Variants in FTO observed in about 807,000 individuals in gnomAD.
FTO encodes alpha-ketoglutarate-dependent dioxygenase FTO.
FTO carries 47 observed loss-of-function variants against 63.9 expected under a neutral mutation model. That is an observed-to-expected ratio of 0.74 (90% CI 0.58 to 0.94). FTO has a LOEUF of 0.94. Ranked by LOEUF, FTO falls within the 40% of genes least tolerant of loss-of-function variation. FTO has a pLI of 0.00. For missense variants in FTO, 562 were observed against 618.1 expected, an observed-to-expected ratio of 0.91 and a Z score of 0.96; for synonymous variants, 207 against 224.4, an observed-to-expected ratio of 0.92 and a Z score of 0.69.
intron 1 of FTO, among the ~76,000 whole-genome samples, chr16:53,733,515 C>A (rs916187176): frequency 4.6e-5 from 7 of 152,286 alleles, no homozygotes; most frequent in Middle Eastern, 6.8e-3. Context: ...CGTAATTACC[C>A]ACTCCTCAAT....
intron 8 of FTO, chr16:54,071,487 T>A: frequency 6.6e-6 from 1 of 152,434 alleles, no homozygotes. Flanking sequence ...GGAGGGTGTC[T>A]TGGCTTCCTT....
intron 4 of FTO, among the ~76,000 whole-genome samples, chr16:53,860,857 A>G (rs959059290): frequency 4.0e-5 from 6 of 149,988 alleles, no homozygotes; most frequent in Admixed American, 1.3e-4. Context: ...AAATTAGCTA[A>G]GAGAGTAGAT....
intron 8 of FTO, among the ~76,000 whole-genome samples, chr16:54,051,890 T>C (rs1490161554): frequency 6.6e-6 from 1 of 151,884 alleles, no homozygotes; most frequent in Non-Finnish European, 1.5e-5. Flanking sequence ...TCTAAGAGAG[T>C]TTCACATTAT....
chr16:53,959,176 C>T (rs567237963), intron 8 of FTO, among the ~76,000 whole-genome samples: 2 of 152,278 alleles, frequency 1.3e-5, no homozygotes, highest in South Asian at 2.1e-4. Flanking sequence ...GTCAAGTAAC[C>T]TTCCCAGGGG....
chr16:53,778,203 C>A (rs1195075686), intron 1 of FTO, among the ~76,000 whole-genome samples: 1 of 152,040 alleles, frequency 6.6e-6, no homozygotes, highest in Non-Finnish European at 1.5e-5. Context: ...ATTAAAACAG[C>A]CTGCTCACTA....
At chr16:53,809,765 G>A (rs2078471604) in intron 1 of FTO, among the ~76,000 whole-genome samples, 1 of 151,940 alleles carries the variant, frequency 6.6e-6, no homozygotes, top group African/African-American at 2.4e-5. Context: ...AACATAGCGA[G>A]ACCTTGTCCC....
intron 1 of FTO, among the ~76,000 whole-genome samples, chr16:53,737,165 T>C (rs2076408378): frequency 6.6e-6 from 1 of 152,196 alleles, no homozygotes; most frequent in Admixed American, 6.5e-5. Context: ...AAGGGTTGAT[T>C]GATGTCCTGA....
intron 8 of FTO, among the ~76,000 whole-genome samples, chr16:54,027,865 G>GT (rs1349525002): frequency 1.3e-5 from 2 of 152,070 alleles, no homozygotes; most frequent in African/African-American, 4.8e-5. Context: ...AGTCCCTCTT[G>GT]TTTTTTTGTA....
chr16:53,809,122 G>A (rs1335118212), intron 1 of FTO, among the ~76,000 whole-genome samples: 7 of 152,148 alleles, frequency 4.6e-5, no homozygotes, highest in Non-Finnish European at 5.9e-5. Flanking sequence ...ATATGAGATC[G>A]TCTTTCAGTT....
chr16:53,988,632 C>T (rs778225629), intron 8 of FTO, among the ~76,000 whole-genome samples: 5 of 152,134 alleles, frequency 3.3e-5, no homozygotes, highest in African/African-American at 4.8e-5. Context: ...CTCATCTGAT[C>T]CTTAAGGCAG....
intron 7 of FTO, among the ~76,000 whole-genome samples, chr16:53,932,005 C>T (rs1012523751): frequency 1.2e-4 from 19 of 152,050 alleles, no homozygotes; most frequent in African/African-American, 3.9e-4. Flanking sequence ...CTGAATAGTG[C>T]GTGCCTTTTT....
intron 8 of FTO, among the ~76,000 whole-genome samples, chr16:54,097,426 G>A (rs796182630): frequency 1.8e-4 from 27 of 151,936 alleles, no homozygotes; most frequent in African/African-American, 6.5e-4. Flanking sequence ...CTGCAACCTC[G>A]ACCTTCTGGG....
chr16:53,941,375 A>G lies in FTO; in HGVS notation c.1364+7266A>G, dbSNP rs1014368361. On this transcript the variant is annotated intron_variant, in intron 8 of 8. Coordinates refer to ENST00000471389, the MANE Select transcript of FTO (RefSeq NM_001080432.3). The stretch of plus-strand genomic sequence containing the variant: ...TTTCTATGAGGCACTGTGAAACCAT[A>G]AGGTAATTTAGCAATGGGGTCTGCC... Among the ~76,000 whole-genome samples, 8 of 152,326 alleles carry G rather than the reference A, an allele frequency of 5.3e-5. No individual in the cohort carries two copies. In the East Asian group the frequency reaches 1.5e-3, roughly 29 times the overall value.
chr16:53,831,916 T>C (rs1370874020), intron 3 of FTO, among the ~76,000 whole-genome samples: 1 of 152,136 alleles, frequency 6.6e-6, no homozygotes, highest in African/African-American at 2.4e-5. Context: ...GGTAGGGCTT[T>C]GTCATGTTAG....
At position 53,949,923 on chromosome 16, in the gene FTO, AGACT is replaced by A. The variant is rs1262959236; in HGVS notation, c.1364+15818_1364+15821del. On this transcript the variant is annotated intron_variant, in intron 8 of 8. Coordinates refer to ENST00000471389, the MANE Select transcript of FTO (RefSeq NM_001080432.3). ...AACAGAATCCAGAAACAGAAAGCAAAGACTGACAGTTCATTCGTTCTTTAAACAA... is the reference window on the plus strand; with the variant it reads ...AACAGAATCCAGAAACAGAAAGCAAAGACAGTTCATTCGTTCTTTAAACAA... Among the ~76,000 whole-genome samples, 5 of 152,070 alleles carry A rather than the reference AGACT, an allele frequency of 3.3e-5. No individual in the cohort carries two copies. The East Asian group carries it at 9.6e-4, about 29-fold the overall frequency.
intron 8 of FTO, among the ~76,000 whole-genome samples, chr16:54,062,232 A>G (rs1401407017): frequency 6.6e-6 from 1 of 152,248 alleles, no homozygotes; most frequent in Non-Finnish European, 1.5e-5. Flanking sequence ...ATTCTTATTT[A>G]TTATTAGTTC....
intron 3 of FTO, among the ~76,000 whole-genome samples, chr16:53,839,769 CTTTTTTTTT>C (rs2079409245): frequency 6.9e-6 from 1 of 144,152 alleles, no homozygotes; most frequent in African/African-American, 2.7e-5. Context: ...AATTGGTTTT[CTTTTTTTTT>C]ATTTATTTAT....
In FTO at chr16:54,010,967, T is replaced by A. The variant is rs537852896; in HGVS notation, c.1364+76858T>A. On this transcript the variant is annotated intron_variant, in intron 8 of 8. Transcript: ENST00000471389. ...AAGTAAGTGATATCTATTATTGGAT[T>A]TGGGCGTTTTAAAATCATTAGCCTT... 2.0e-5 allele frequency among the ~76,000 whole-genome samples: 3 copies of A among 152,336 alleles called. No homozygotes were observed. In the South Asian group the frequency reaches 6.2e-4, roughly 32 times the overall value.
intron 1 of FTO, among the ~76,000 whole-genome samples, chr16:53,783,948 C>T (rs2151665441): frequency 6.6e-6 from 1 of 152,192 alleles, no homozygotes; most frequent in Non-Finnish European, 1.5e-5. Context: ...ATCACCTCAC[C>T]TCACTGGCCT....
Sources: allele counts gnomAD v4.1 joint callset (sites outside exome capture counted in the v4.1 genomes callset), GRCh38; gene constraint gnomAD v4.1.1; transcripts MANE v1.5; gene names NCBI Gene and HGNC (gene_info 2026-07-23, HGNC 2026-07-21).